The following KCNIP1 variants were observed in gnomAD, a reference collection of about 807,000 sequenced individuals.
The protein encoded by KCNIP1 is A-type potassium channel modulatory protein KCNIP1.
Under a neutral mutation model 33.0 loss-of-function variants are expected in KCNIP1, and 18 were observed. The ratio of observed to expected loss-of-function variants is 0.55; its 90% confidence interval spans 0.38 to 0.81. The LOEUF (loss-of-function observed/expected upper bound fraction) is 0.81, where lower values mean the gene tolerates loss of function less well. Among genes scored for constraint, KCNIP1 ranks in the 30% least tolerant of loss-of-function variants. The probability of loss-of-function intolerance (pLI) is 0.00; values close to 1 mark genes in which losing one functional copy is unlikely to be tolerated. For missense variants in KCNIP1, 238 were observed against 271.6 expected, an observed-to-expected ratio of 0.88 and a Z score of 0.87; for synonymous variants, 93 against 98.3, an observed-to-expected ratio of 0.95 and a Z score of 0.32.
chr5:170,553,457 C>A (rs1223612569), intron 1 of KCNIP1, among the ~76,000 whole-genome samples: 1 of 152,186 alleles, frequency 6.6e-6, no homozygotes, highest in African/African-American at 2.4e-5. Context: ...GTAGCACTGG[C>A]CATCATTTAC....
At chr5:170,407,001 T>C (rs1162659904) in intron 1 of KCNIP1, among the ~76,000 whole-genome samples, 1 of 152,226 alleles carries the variant, frequency 6.6e-6, no homozygotes. Context: ...CATACTGTTC[T>C]CTTGCTCGCA....
intron 5 of KCNIP1, among the ~76,000 whole-genome samples, chr5:170,725,549 G>A (rs1763979904): frequency 6.6e-6 from 1 of 152,078 alleles, no homozygotes; most frequent in African/African-American, 2.4e-5. Flanking sequence ...GGGGAAGTTA[G>A]GATAGTCAAT....
chr5:170,555,210 C>A (rs377069901), intron 1 of KCNIP1, among the ~76,000 whole-genome samples: 1 of 152,086 alleles, frequency 6.6e-6, no homozygotes, highest in Non-Finnish European at 1.5e-5. Flanking sequence ...CGCAGGCGGG[C>A]GCTCAGCCTA....
intron 1 of KCNIP1, among the ~76,000 whole-genome samples, chr5:170,413,254 G>T (rs1038871480): frequency 2.0e-5 from 3 of 152,144 alleles, no homozygotes; most frequent in African/African-American, 7.2e-5. Flanking sequence ...GCCTGGCCTG[G>T]GTCTTTCAGG....
At chr5:170,626,194 C>A (rs1461001575) in intron 1 of KCNIP1, among the ~76,000 whole-genome samples, 1 of 152,218 alleles carries the variant, frequency 6.6e-6, no homozygotes, top group Non-Finnish European at 1.5e-5. Flanking sequence ...GCCACGCATG[C>A]TCTAATCATT....
intron 1 of KCNIP1, among the ~76,000 whole-genome samples, chr5:170,548,626 G>C (rs1003286206): frequency 2.0e-5 from 3 of 152,084 alleles, no homozygotes; most frequent in Non-Finnish European, 4.4e-5. Flanking sequence ...CACCTTCCTA[G>C]TACCAAAGTC....
At chr5:170,362,233 A>G (rs1296891683) in intron 1 of KCNIP1, among the ~76,000 whole-genome samples, 1 of 152,212 alleles carries the variant, frequency 6.6e-6, no homozygotes, top group Non-Finnish European at 1.5e-5. Flanking sequence ...CACAGCCAGC[A>G]TGAAGCATAG....
At chr5:170,485,477 C>T (rs1248141871) in intron 1 of KCNIP1, among the ~76,000 whole-genome samples, 1 of 152,238 alleles carries the variant, frequency 6.6e-6, no homozygotes, top group Non-Finnish European at 1.5e-5. Context: ...TGTGAGTCAA[C>T]AGCATGCCTA....
chr5:170,693,051 G>A (rs961654200), intron 1 of KCNIP1, among the ~76,000 whole-genome samples: 2 of 152,346 alleles, frequency 1.3e-5, no homozygotes, highest in Admixed American at 6.5e-5. Context: ...AAGGTTACAC[G>A]AGTAGAAATT....
At chr5:170,662,734 A>T (rs1761548686) in intron 1 of KCNIP1, among the ~76,000 whole-genome samples, 1 of 151,816 alleles carries the variant, frequency 6.6e-6, no homozygotes, top group Non-Finnish European at 1.5e-5. Flanking sequence ...GGTCAGAAAC[A>T]CTCTCAGCAT....
At chr5:170,687,515 C>G (rs1268413663) in intron 1 of KCNIP1, among the ~76,000 whole-genome samples, 1 of 152,150 alleles carries the variant, frequency 6.6e-6, no homozygotes, top group Non-Finnish European at 1.5e-5. Context: ...TAAAATTATA[C>G]TACTAACATA....
At chr5:170,474,222 G>A (rs77685850) in intron 1 of KCNIP1, among the ~76,000 whole-genome samples, 3 of 151,930 alleles carry the variant, frequency 2.0e-5, no homozygotes, top group Non-Finnish European at 2.9e-5. Flanking sequence ...TCTTTATAAC[G>A]AGACAACCTT....
chr5:170,602,693 C>T (rs1758743067), intron 1 of KCNIP1, among the ~76,000 whole-genome samples: 1 of 152,198 alleles, frequency 6.6e-6, no homozygotes, highest in Admixed American at 6.5e-5. Flanking sequence ...GGACTAAGAA[C>T]AAACCAGGAA....
chr5:170,481,816 C>T (rs1260757545), intron 1 of KCNIP1, among the ~76,000 whole-genome samples: 2 of 152,124 alleles, frequency 1.3e-5, no homozygotes, highest in Non-Finnish European at 2.9e-5. Flanking sequence ...TTATAGCAAT[C>T]GCTCTTTATA....
At chr5:170,638,154 C>G (rs1043314896) in intron 1 of KCNIP1, among the ~76,000 whole-genome samples, 5 of 152,166 alleles carry the variant, frequency 3.3e-5, no homozygotes, top group African/African-American at 1.2e-4. Context: ...AGAAGGACAA[C>G]CCCACCTCTG....
intron 1 of KCNIP1, among the ~76,000 whole-genome samples, chr5:170,628,762 G>A (rs556320861): frequency 5.9e-5 from 9 of 152,310 alleles, no homozygotes; most frequent in Admixed American, 4.6e-4. Context: ...CAGTGCACGC[G>A]CTTCTGGCAG....
intron 5 of KCNIP1, among the ~76,000 whole-genome samples, chr5:170,723,657 T>A (rs973631899): frequency 1.3e-5 from 2 of 152,002 alleles, no homozygotes; most frequent in African/African-American, 4.8e-5. Flanking sequence ...GCTTATTAGG[T>A]GTTCTAGGTG....
intron 1 of KCNIP1, among the ~76,000 whole-genome samples, chr5:170,457,191 T>A (rs976565187): frequency 6.6e-6 from 1 of 151,720 alleles, no homozygotes; most frequent in African/African-American, 2.4e-5. Context: ...ACAAATGAAA[T>A]GGACAAATTC....
chr5:170,656,992 C>T (rs1393965155), intron 1 of KCNIP1, among the ~76,000 whole-genome samples: 2 of 116,438 alleles, frequency 1.7e-5, no homozygotes, highest in African/African-American at 3.6e-5. Flanking sequence ...TTTTTTCTTT[C>T]TTTCTTTTTT....
Sources: allele counts gnomAD v4.1 joint callset (sites outside exome capture counted in the v4.1 genomes callset), GRCh38; gene constraint gnomAD v4.1.1; transcripts MANE v1.5; gene names NCBI Gene and HGNC (gene_info 2026-07-23, HGNC 2026-07-21).